Variants in CSMD1 observed in about 807,000 individuals in gnomAD.
The protein encoded by CSMD1 is CUB and Sushi multiple domains 1.
Under a neutral mutation model 417.5 loss-of-function variants are expected in CSMD1, and 213 were observed. The observed-to-expected ratio is 0.51, with a 90% CI of 0.46 to 0.57. The LOEUF (loss-of-function observed/expected upper bound fraction) is 0.57. Among genes scored for constraint, CSMD1 ranks in the 20% least tolerant of loss-of-function variants. CSMD1 has a pLI of 0.00. For missense variants in CSMD1, 6,923 were observed against 4,529.7 expected (o/e 1.53, Z -15.17); for synonymous variants, 2,862 against 1,736.8 (o/e 1.65, Z -16.11).
At chr8:4,944,422 C>A (rs1808228114) in intron 1 of CSMD1, among the ~76,000 whole-genome samples, 1 of 152,160 alleles carries the variant, frequency 6.6e-6, no homozygotes, top group Admixed American at 6.5e-5. Flanking sequence ...TCTTGAAATA[C>A]TTTTTGAGAT....
At chr8:3,482,378 A>G (rs147293597) in intron 11 of CSMD1, among the ~76,000 whole-genome samples, 124 of 152,320 alleles carry the variant, frequency 8.1e-4, no homozygotes, top group African/African-American at 2.9e-3. Flanking sequence ...GCCTATGTTA[A>G]TATCTGACAA....
chr8:3,716,253 G>A (rs994094583), intron 6 of CSMD1, among the ~76,000 whole-genome samples: 1 of 152,084 alleles, frequency 6.6e-6, no homozygotes, highest in Non-Finnish European at 1.5e-5. Context: ...CCCCAAGAGA[G>A]TGTTCTTGAA....
chr8:4,344,495 T>C (rs982676109), intron 3 of CSMD1, among the ~76,000 whole-genome samples: 1 of 151,634 alleles, frequency 6.6e-6, no homozygotes, highest in African/African-American at 2.4e-5. Context: ...CAATCTATTT[T>C]TTCATTTTCA....
intron 3 of CSMD1, among the ~76,000 whole-genome samples, chr8:4,071,627 T>C (rs952522723): frequency 6.6e-6 from 1 of 152,224 alleles, no homozygotes; most frequent in Non-Finnish European, 1.5e-5. Flanking sequence ...TTTAATTCTT[T>C]ATTTTAAACT....
At chr8:4,704,432 C>T (rs1443570732) in intron 1 of CSMD1, among the ~76,000 whole-genome samples, 1 of 152,164 alleles carries the variant, frequency 6.6e-6, no homozygotes, top group Non-Finnish European at 1.5e-5. Context: ...CTGGCAGAGA[C>T]TAGGATTTCA....
At chr8:4,658,965 G>A (rs577170543) in intron 1 of CSMD1, among the ~76,000 whole-genome samples, 1 of 152,240 alleles carries the variant, frequency 6.6e-6, no homozygotes, top group African/African-American at 2.4e-5. Context: ...GAATTGTAAT[G>A]TCTGTGGTAA....
chr8:4,748,960 C>A (rs1585038583), intron 1 of CSMD1, among the ~76,000 whole-genome samples: 1 of 152,200 alleles, frequency 6.6e-6, no homozygotes, highest in African/African-American at 2.4e-5. Flanking sequence ...CACTACAATT[C>A]TTCTAATAAG....
At chr8:4,508,087 A>AG (rs1194738534) in intron 2 of CSMD1, among the ~76,000 whole-genome samples, 1 of 105,002 alleles carries the variant, frequency 9.5e-6, no homozygotes, top group African/African-American at 3.7e-5. Flanking sequence ...GAAAAAAAAT[A>AG]CCAAAAAAAA....
chr8:4,200,609 CACTT>C (rs1799590137), intron 3 of CSMD1, among the ~76,000 whole-genome samples: 1 of 152,164 alleles, frequency 6.6e-6, no homozygotes, highest in South Asian at 2.1e-4. Flanking sequence ...GAAATCCCAG[CACTT>C]TGTAGGCTGA....
intron 3 of CSMD1, among the ~76,000 whole-genome samples, chr8:4,344,112 C>T (rs1353858314): frequency 6.6e-6 from 1 of 152,058 alleles, no homozygotes; most frequent in Non-Finnish European, 1.5e-5. Context: ...GAGTAAAAGG[C>T]CTATTCAAAA....
chr8:4,031,433 C>A (rs1025856750), intron 4 of CSMD1, among the ~76,000 whole-genome samples: 1 of 152,138 alleles, frequency 6.6e-6, no homozygotes, highest in African/African-American at 2.4e-5. Context: ...ACCATCAGAT[C>A]TCATAAGACT....
intron 3 of CSMD1, among the ~76,000 whole-genome samples, chr8:4,308,059 C>G (rs1222777291): frequency 2.0e-5 from 3 of 152,130 alleles, no homozygotes; most frequent in South Asian, 4.1e-4. Flanking sequence ...GACTTTCAGC[C>G]TCAGTTACAC....
intron 51 of CSMD1, 70 bp downstream of exon 51, chr8:3,029,249 C>T: frequency 7.7e-7 from 1 of 1,305,332 alleles, no homozygotes; most frequent in Non-Finnish European, 1.0e-6. Flanking sequence ...GAGAAGCTCA[C>T]CACTGACATA....
chr8:2,999,287 C>T (rs1807187475), intron 53 of CSMD1, among the ~76,000 whole-genome samples: 1 of 151,572 alleles, frequency 6.6e-6, no homozygotes, highest in Non-Finnish European at 1.5e-5. Context: ...CTCCTAGTAG[C>T]TGGGATTACA....
At chr8:4,629,155 C>G (rs1802351362) in intron 2 of CSMD1, among the ~76,000 whole-genome samples, 1 of 152,102 alleles carries the variant, frequency 6.6e-6, no homozygotes, top group Non-Finnish European at 1.5e-5. Context: ...TTTATTTTGT[C>G]ATATTTGAAT....
At chr8:3,665,658 T>G (rs1429020595) in intron 7 of CSMD1, among the ~76,000 whole-genome samples, 1 of 152,146 alleles carries the variant, frequency 6.6e-6, no homozygotes, top group Admixed American at 6.5e-5. Flanking sequence ...AAATTCCACT[T>G]AATGGGACAA....
At chr8:4,146,208 C>T (rs1429991424) in intron 3 of CSMD1, among the ~76,000 whole-genome samples, 1 of 150,934 alleles carries the variant, frequency 6.6e-6, no homozygotes, top group Non-Finnish European at 1.5e-5. Context: ...AGGGTGATAT[C>T]GTTTGGAAAC....
intron 23 of CSMD1, among the ~76,000 whole-genome samples, chr8:3,322,196 G>A (rs370669852): frequency 7.9e-5 from 12 of 152,132 alleles, no homozygotes; most frequent in Non-Finnish European, 1.0e-4. Context: ...ACATTTCATG[G>A]CCAGGAACAT....
At chr8:3,202,147 G>A (rs1797025795) in intron 31 of CSMD1, among the ~76,000 whole-genome samples, 1 of 152,006 alleles carries the variant, frequency 6.6e-6, no homozygotes, top group African/African-American at 2.4e-5. Flanking sequence ...CAGCCTGGGC[G>A]ACAGAGTGAG....
Sources: allele counts gnomAD v4.1 joint callset (sites outside exome capture counted in the v4.1 genomes callset), GRCh38; gene constraint gnomAD v4.1.1; transcripts MANE v1.5; gene names NCBI Gene and HGNC (gene_info 2026-07-23, HGNC 2026-07-21).